PCNX1: variants seen among roughly 807,000 people sequenced by gnomAD.
The protein encoded by PCNX1 is pecanex-like protein 1.
In PCNX1, 78 loss-of-function variants were observed where a neutral mutation model predicts 242.2. That is an observed-to-expected ratio of 0.32 (90% CI 0.27 to 0.39). The LOEUF is 0.39. Ranked by LOEUF, PCNX1 falls within the 10% of genes least tolerant of loss-of-function variation. The probability of loss-of-function intolerance (pLI) is 1.00; values close to 1 mark genes in which losing one functional copy is unlikely to be tolerated. For missense variants in PCNX1, 2,581 were observed against 2,856.5 expected (o/e 0.90, Z 2.20); for synonymous variants, 1,024 against 1,032.9 (o/e 0.99, Z 0.17).
chr14:71,103,354 C>G (rs769030841), intron 31 of PCNX1, 41 bp from the exon 32 acceptor site: 2 of 1,597,274 alleles, frequency 1.3e-6, no homozygotes, highest in South Asian at 1.1e-5. Flanking sequence ...GAATTTTATT[C>G]TTGGCCCCTT....
chr14:71,100,511 C>A (rs2062434326), intron 30 of PCNX1, among the ~76,000 whole-genome samples: 1 of 152,224 alleles, frequency 6.6e-6, no homozygotes, highest in Admixed American at 6.5e-5. Flanking sequence ...TTTTCTCTAG[C>A]TGCCTTTAAG....
At chr14:71,011,607 T>C (rs140041492) in intron 10 of PCNX1, 58 bp downstream of exon 10, 8 of 999,994 alleles carry the variant, frequency 8.0e-6, no homozygotes, top group East Asian at 2.4e-5. Context: ...CTGAAATATG[T>C]ATTTACATAG....
At chr14:70,921,358 A>G (rs1358651047) in intron 1 of PCNX1, among the ~76,000 whole-genome samples, 1 of 152,130 alleles carries the variant, frequency 6.6e-6, no homozygotes. Flanking sequence ...CCTCAATTTC[A>G]TATGTATTTG....
chr14:71,043,442 A>G (rs1228229091), intron 19 of PCNX1, among the ~76,000 whole-genome samples: 2 of 151,932 alleles, frequency 1.3e-5, no homozygotes, highest in Non-Finnish European at 1.5e-5. Flanking sequence ...ATATTTGGTC[A>G]TTTTTGCACT....
chr14:71,072,041 A>G (rs1192029399), intron 26 of PCNX1, among the ~76,000 whole-genome samples: 1 of 152,232 alleles, frequency 6.6e-6, no homozygotes, highest in Non-Finnish European at 1.5e-5. Flanking sequence ...TACTTAGAAC[A>G]CTAACATTAA....
intron 8 of PCNX1, among the ~76,000 whole-genome samples, chr14:70,998,501 A>G (rs2059415565): frequency 6.6e-6 from 1 of 152,136 alleles, no homozygotes; most frequent in Non-Finnish European, 1.5e-5. Flanking sequence ...CTGTACTCCC[A>G]GTACTTTGGG....
intron 26 of PCNX1, among the ~76,000 whole-genome samples, chr14:71,063,238 C>CGA (rs1290725859): frequency 1.8e-3 from 270 of 152,302 alleles, no homozygotes; most frequent in Non-Finnish European, 1.6e-3. Context: ...CATACACATT[C>CGA]TCTGTTGCAT....
chr14:70,949,254 C>CACACATATGTGCATATACACACGTGTAT (rs1566608146), intron 2 of PCNX1, among the ~76,000 whole-genome samples: 374 of 120,926 alleles, frequency 3.1e-3, no homozygotes, highest in African/African-American at 0.011. Context: ...CACGTGTATA[C>CACACATATGTGCATATACACACGTGTAT]ACACACACGT....
At chr14:71,074,794 A>G (rs1402319092) in intron 27 of PCNX1, among the ~76,000 whole-genome samples, 1 of 152,148 alleles carries the variant, frequency 6.6e-6, no homozygotes, top group Non-Finnish European at 1.5e-5. Flanking sequence ...CCAAGGGTAA[A>G]GGCCAAACCC....
At chr14:70,999,648 A>T (rs1348570617) in intron 8 of PCNX1, among the ~76,000 whole-genome samples, 1 of 152,176 alleles carries the variant, frequency 6.6e-6, no homozygotes, top group African/African-American at 2.4e-5. Flanking sequence ...TCTTTGAGGT[A>T]ATCTGCTTTA....
chr14:70,943,492 A>G (rs1005953815), intron 1 of PCNX1, among the ~76,000 whole-genome samples: 11 of 152,164 alleles, frequency 7.2e-5, no homozygotes, highest in African/African-American at 2.7e-4. Context: ...TTTGAACTTG[A>G]GAGAAATGAT....
intron 33 of PCNX1, among the ~76,000 whole-genome samples, chr14:71,106,269 T>C (rs1361810358): frequency 6.6e-6 from 1 of 151,038 alleles, no homozygotes; most frequent in Non-Finnish European, 1.5e-5. Context: ...CCGCCCACCT[T>C]GGCCTCCCAA....
intron 30 of PCNX1, among the ~76,000 whole-genome samples, chr14:71,094,910 G>A (rs926540677): frequency 1.3e-5 from 2 of 152,082 alleles, no homozygotes; most frequent in African/African-American, 2.4e-5. Flanking sequence ...CAGCCTGAGC[G>A]ACAGACCAAG....
chr14:70,929,988 A>T (rs138285958), intron 1 of PCNX1, among the ~76,000 whole-genome samples: 17 of 152,324 alleles, frequency 1.1e-4, no homozygotes, highest in Admixed American at 2.6e-4. Context: ...TCTATAATGT[A>T]CATAAGATTA....
intron 3 of PCNX1, among the ~76,000 whole-genome samples, chr14:70,962,580 A>G (rs1174695769): frequency 6.6e-6 from 1 of 152,248 alleles, no homozygotes; most frequent in African/African-American, 2.4e-5. Context: ...AGTTGTGAAT[A>G]GCCTTAGGAA....
chr14:70,912,485 T>G (rs1265717314), intron 1 of PCNX1, among the ~76,000 whole-genome samples: 1 of 152,084 alleles, frequency 6.6e-6, no homozygotes, highest in Non-Finnish European at 1.5e-5. Flanking sequence ...ACGTACCTCT[T>G]GGCTGTCTCA....
intron 2 of PCNX1, among the ~76,000 whole-genome samples, chr14:70,950,455 A>G (rs2057731612): frequency 6.6e-6 from 1 of 152,140 alleles, no homozygotes; most frequent in Non-Finnish European, 1.5e-5. Flanking sequence ...GATAACTGTG[A>G]TGTTTAAATT....
chr14:70,943,457 C>T (rs1265373251), intron 1 of PCNX1, among the ~76,000 whole-genome samples: 2 of 152,186 alleles, frequency 1.3e-5, no homozygotes, highest in African/African-American at 4.8e-5. Flanking sequence ...CGGCATTTTG[C>T]TCCTGCCCTA....
At chr14:70,987,719 T>C (rs1322170564) in intron 6 of PCNX1, among the ~76,000 whole-genome samples, 1 of 152,244 alleles carries the variant, frequency 6.6e-6, no homozygotes, top group Non-Finnish European at 1.5e-5. Context: ...TCAATTTTTG[T>C]GGTTTTGTAA....
Sources: allele counts gnomAD v4.1 joint callset (sites outside exome capture counted in the v4.1 genomes callset), GRCh38; gene constraint gnomAD v4.1.1; transcripts MANE v1.5; gene names NCBI Gene and HGNC (gene_info 2026-07-23, HGNC 2026-07-21).